The following SORL1 variants were observed in gnomAD, a reference collection of about 807,000 sequenced individuals.
SORL1 encodes sortilin-related receptor.
A neutral mutation model predicts 273.7 loss-of-function variants in SORL1; 127 were observed. That is an observed-to-expected ratio of 0.46 (90% CI 0.40 to 0.54). The LOEUF is 0.54. Among genes scored for constraint, SORL1 ranks in the 20% least tolerant of loss-of-function variants. The pLI is 0.00. For missense variants in SORL1, 2,494 were observed against 2,846.1 expected, an observed-to-expected ratio of 0.88 and a Z score of 2.81; for synonymous variants, 1,031 against 1,067.4, an observed-to-expected ratio of 0.97 and a Z score of 0.66.
intron 5 of SORL1, among the ~76,000 whole-genome samples, chr11:121,490,980 T>A (rs575095246): frequency 2.7e-4 from 41 of 152,182 alleles, no homozygotes; most frequent in Middle Eastern, 3.4e-3. Context: ...GATGGGAGGA[T>A]CATAAACAGC....
rs1482143805 is a variant in SORL1, at chr11:121,627,197, A to G, written c.6365-358A>G. On this transcript the variant is annotated intron_variant, in intron 46 of 47. Transcript: ENST00000260197. This position sits in a 1 kb window ranked among gnomAD's most constrained non-coding sequence, Gnocchi z 4.9. ...TCGTTAATTAGTGGTCTGATTTCAC[A>G]TCCTCTTATGTAAGGCAAGCAAGTG... is the stretch of plus-strand genomic sequence containing the variant. The G allele has an allele frequency of 8.6e-6, 2 of 232,880 alleles. No homozygotes were observed. Among genetic ancestry groups the G allele is most frequent in the South Asian group, 6.5e-5 (1 of 15,304 alleles). 14.4% of individuals were successfully genotyped at this position (232,880 alleles called of 1,614,324 possible).
intron 14 of SORL1, among the ~76,000 whole-genome samples, chr11:121,546,662 C>T (rs1023610941): frequency 4.6e-5 from 7 of 152,180 alleles, no homozygotes; most frequent in African/African-American, 1.7e-4. Flanking sequence ...ACTTTGTAGG[C>T]CATATGGTTT....
At chr11:121,620,122 G>A (rs1448802469) in intron 43 of SORL1, among the ~76,000 whole-genome samples, 1 of 152,136 alleles carries the variant, frequency 6.6e-6, no homozygotes, top group East Asian at 1.9e-4. Context: ...ATTATTCCTA[G>A]CTACCATTTT....
intron 12 of SORL1, among the ~76,000 whole-genome samples, chr11:121,534,199 T>C (rs1862239234): frequency 6.6e-6 from 1 of 152,218 alleles, no homozygotes; most frequent in Non-Finnish European, 1.5e-5. Context: ...TCATTCTTTG[T>C]ATGGCTTTCA....
rs369938284 is a variant in SORL1 at position 121,520,742 on chromosome 11, A to G, written c.1297A>G (p.Met433Val). The G allele has an allele frequency of 5.0e-6, 8 of 1,612,724 alleles. No individual in the cohort carries two copies. The African/African-American group carries it at 8.0e-5, about 16-fold the overall frequency. ...CATTGCTACTCTGATTAATGGTTCT[A>G]TGAATGAGGAGAACATGAGATCGGT... ...VYIATLINGS[M>V]NEENMRSVIT... Residue 433 changes from methionine to valine, a missense_variant, in exon 9 of 48, where the codon ATG (methionine) becomes GTG (valine). Met to Val is a conservative substitution (Grantham distance 21). Around this residue, in one of 3 missense-constraint regions of SORL1, gnomAD observed 710 missense variants for 882.5 expected, o/e 0.80. Coordinates refer to ENST00000260197, the MANE Select transcript of SORL1 (RefSeq NM_003105.6).
intron 11 of SORL1, among the ~76,000 whole-genome samples, chr11:121,530,003 A>T (rs73595221): frequency 0.011 from 1,697 of 152,282 alleles, 21 homozygotes; most frequent in African/African-American, 0.039. Context: ...GGATTACAAC[A>T]TACATATCTA....
intron 21 of SORL1, among the ~76,000 whole-genome samples, chr11:121,565,811 C>G (rs2134920058): frequency 6.6e-6 from 1 of 152,336 alleles, no homozygotes; most frequent in South Asian, 2.1e-4. Context: ...CATCCTCGTT[C>G]ATCCACAAAG....
At chr11:121,502,535 T>C (rs925036301) in intron 6 of SORL1, among the ~76,000 whole-genome samples, 8 of 152,192 alleles carry the variant, frequency 5.3e-5, no homozygotes, top group Non-Finnish European at 8.8e-5. Context: ...GGTGTAGTTT[T>C]CCCATATCCT....
intron 1 of SORL1, chr11:121,453,024 T>A (rs1025156147): frequency 4.7e-5 from 8 of 170,952 alleles, no homozygotes; most frequent in African/African-American, 1.9e-4. Context: ...GAGGTGGGGG[T>A]TTCCACACTT....
intron 1 of SORL1, among the ~76,000 whole-genome samples, chr11:121,454,598 A>AT (rs998597467): frequency 3.3e-5 from 5 of 151,840 alleles, no homozygotes; most frequent in African/African-American, 7.3e-5. Flanking sequence ...CAAGGGTGAG[A>AT]TTTTTCTTCT....
chr11:121,537,229 A>T (rs1208785410), intron 12 of SORL1, among the ~76,000 whole-genome samples: 2 of 152,216 alleles, frequency 1.3e-5, no homozygotes, highest in African/African-American at 4.8e-5. Flanking sequence ...CCTGTGCCTT[A>T]CTAAAGAGAT....
intron 2 of SORL1, among the ~76,000 whole-genome samples, chr11:121,472,227 T>C (rs1861181253): frequency 2.0e-5 from 3 of 152,240 alleles, no homozygotes; most frequent in Admixed American, 6.5e-5. Flanking sequence ...TCCCTGCCCA[T>C]GGGCATATCC....
intron 7 of SORL1, among the ~76,000 whole-genome samples, chr11:121,513,830 T>G (rs565948186): frequency 6.6e-6 from 1 of 152,362 alleles, no homozygotes; most frequent in East Asian, 1.9e-4. Context: ...CGTATTGTAC[T>G]TTGTACGAAT....
chr11:121,467,029 T>C (rs1591545978), intron 1 of SORL1, among the ~76,000 whole-genome samples: 1 of 101,584 alleles, frequency 9.8e-6, no homozygotes, highest in African/African-American at 4.6e-5. Flanking sequence ...TTTCTTTTTT[T>C]CTTTTTTTTT....
intron 4 of SORL1, among the ~76,000 whole-genome samples, chr11:121,489,114 C>T (rs1352573998): frequency 1.3e-5 from 2 of 151,940 alleles, no homozygotes; most frequent in South Asian, 2.1e-4. Flanking sequence ...TTGCCACAGC[C>T]GTGTATTCAG....
At chr11:121,552,454 G>GA (rs889001313) in intron 16 of SORL1, among the ~76,000 whole-genome samples, 2 of 151,944 alleles carry the variant, frequency 1.3e-5, no homozygotes, top group African/African-American at 2.4e-5. Context: ...TTTCTTAGAG[G>GA]AAAAAAAAGC....
At chr11:121,623,219 C>T (rs569069028) in intron 45 of SORL1, among the ~76,000 whole-genome samples, 215 of 152,288 alleles carry the variant, frequency 1.4e-3, no homozygotes, top group African/African-American at 5.0e-3. Flanking sequence ...TCAACCTCAC[C>T]GGTAATCTAA....
In SORL1 at chr11:121,632,816, A is replaced by G. The variant is rs1565361897; in HGVS notation, c.*3253A>G. The G allele has an allele frequency of 6.6e-6, 1 of 152,070 alleles. No individual in the cohort carries two copies. Among genetic ancestry groups the G allele is most frequent in the Non-Finnish European group, 1.5e-5 (1 of 68,016 alleles). The allele number at this position is 152,070 out of a possible 1,614,324, so 9.4% of individuals were successfully genotyped here. On this transcript the variant is annotated 3_prime_UTR_variant, in exon 48 of 48. Coordinates refer to ENST00000260197, the MANE Select transcript of SORL1 (RefSeq NM_003105.6). ...CTTAGGGCAGAAACACCATCCTATCAGGTTTGGTCAGTCCCTTCTTCATGA... is the reference window on the plus strand; with the variant it reads ...CTTAGGGCAGAAACACCATCCTATCGGGTTTGGTCAGTCCCTTCTTCATGA...
intron 2 of SORL1, among the ~76,000 whole-genome samples, chr11:121,474,214 G>T (rs1283600611): frequency 6.6e-6 from 1 of 152,132 alleles, no homozygotes; most frequent in Admixed American, 6.5e-5. Context: ...TGTGGTTGTG[G>T]TCTGTGGATC....
Sources: allele counts gnomAD v4.1 joint callset (sites outside exome capture counted in the v4.1 genomes callset), GRCh38; gene constraint gnomAD v4.1.1; regional missense constraint gnomAD v4.1.1; non-coding constraint Gnocchi (gnomAD v3.1); transcripts MANE v1.5; gene names NCBI Gene and HGNC (gene_info 2026-07-23, HGNC 2026-07-21).